VPS37A: variants seen among roughly 807,000 people sequenced by gnomAD.
VPS37A encodes the protein vacuolar protein sorting-associated protein 37A.
In VPS37A, 30 loss-of-function variants were observed where a neutral mutation model predicts 49.8. That is an observed-to-expected ratio of 0.60 (90% confidence interval 0.45 to 0.82). The LOEUF (loss-of-function observed/expected upper bound fraction) is 0.82, where lower values mean the gene tolerates loss of function less well. Among genes scored for constraint, VPS37A ranks in the 40% least tolerant of loss-of-function variants. The pLI, the probability that VPS37A is intolerant of heterozygous loss-of-function variation, is 0.00. For synonymous variants in VPS37A, 195 were observed against 160.6 expected, an observed-to-expected ratio of 1.21 and a Z score of -1.62; for missense variants, 593 against 464.4, an observed-to-expected ratio of 1.28 and a Z score of -2.55.
At chr8:17,259,318 A>T (rs1298968399) in intron 1 of VPS37A, among the ~76,000 whole-genome samples, 1 of 151,884 alleles carries the variant, frequency 6.6e-6, no homozygotes, top group African/African-American at 2.4e-5. Flanking sequence ...TTACTTTTTA[A>T]TTTCTTTGTC....
chr8:17,247,950 T>C (rs1271503862), intron 1 of VPS37A: 5 of 592,712 alleles, frequency 8.4e-6, no homozygotes, highest in Non-Finnish European at 1.5e-5. Context: ...CATGTACATT[T>C]CTCACTTCTT....
At chr8:17,271,619 C>G (rs1814001773) in intron 4 of VPS37A, among the ~76,000 whole-genome samples, 2 of 151,976 alleles carry the variant, frequency 1.3e-5, no homozygotes, top group African/African-American at 4.8e-5. Context: ...AAAAAAAATG[C>G]TTATGATTTC....
the VPS37A span, chr8:17,309,188 A>C: frequency 6.7e-6 from 6 of 897,478 alleles, no homozygotes; most frequent in Non-Finnish European, 1.1e-5. Flanking sequence ...CTCAAAAAAC[A>C]AGACGATTTT....
intron 3 of VPS37A, 129 bp downstream of exon 3, chr8:17,268,501 A>T (rs1042180799): frequency 4.4e-6 from 3 of 674,754 alleles, no homozygotes; most frequent in Non-Finnish European, 7.2e-6. Flanking sequence ...AAAATTGAAT[A>T]TTTAAGACTA....
chr8:17,306,609 G>A (rs1241145732), downstream of VPS37A, among the ~76,000 whole-genome samples: 1 of 152,084 alleles, frequency 6.6e-6, no homozygotes, highest in Admixed American at 6.6e-5. Flanking sequence ...ACTACTGTGT[G>A]AGTTTTACAG....
the VPS37A span, among the ~76,000 whole-genome samples, chr8:17,307,916 T>C: frequency 2.0e-5 from 3 of 151,742 alleles, no homozygotes; most frequent in Admixed American, 1.3e-4. Context: ...AGGGATAGCA[T>C]TAGGAGATAT....
At chr8:17,255,354 G>A (rs552433439) in intron 1 of VPS37A, among the ~76,000 whole-genome samples, 8 of 152,144 alleles carry the variant, frequency 5.3e-5, no homozygotes, top group Admixed American at 2.0e-4. Context: ...GGTAGCAGGC[G>A]CCTGTAATCC....
At chr8:17,302,140 C>T (rs1402343267), downstream of VPS37A, 1 of 1,613,946 alleles carries the variant, frequency 6.2e-7, no homozygotes, top group East Asian at 2.2e-5. Context: ...ATTAACAAAG[C>T]AAGTATGTCT....
downstream of VPS37A, chr8:17,298,570 T>C (rs940338494): frequency 1.3e-5 from 2 of 152,560 alleles, no homozygotes; most frequent in Admixed American, 6.5e-5. Context: ...ATTCAAAATA[T>C]TGATGTAAAT....
chr8:17,276,376 T>C (rs1814512099), intron 5 of VPS37A, 21 bp from the exon 6 acceptor site: 1 of 1,598,376 alleles, frequency 6.3e-7, no homozygotes, highest in African/African-American at 1.3e-5. Context: ...AAATTTAATA[T>C]CATTTAAAAC....
chr8:17,274,596 A>C, intron 4 of VPS37A, 137 bp from the exon 5 acceptor site: 2 of 578,982 alleles, frequency 3.5e-6, no homozygotes, highest in South Asian at 3.3e-5. Context: ...CCATTATATA[A>C]TTTAATAAAT....
chr8:17,268,268 C>A lies in VPS37A; in HGVS notation c.211C>A (p.Pro71Thr). The A allele has an allele frequency of 6.2e-7, 1 of 1,611,992 alleles. No individual in the cohort carries two copies. Among genetic ancestry groups the A allele is most frequent in the Non-Finnish European group, 8.5e-7 (1 of 1,179,336 alleles). Residue 71 changes from proline to threonine, a missense_variant, in exon 3 of 12, where the codon CCA becomes ACA. Coordinates refer to ENST00000324849, the MANE Select transcript of VPS37A (RefSeq NM_152415.3). ...TTCTACCTCTACCAGATTGCTTCCT[C>A]CACAGTTTCCTCAGGAAAAACCAGT... ...LTININILLP[P>T]QFPQEKPVIS...
intron 11 of VPS37A, among the ~76,000 whole-genome samples, chr8:17,289,099 A>G (rs1364212715): frequency 2.0e-5 from 3 of 152,040 alleles, no homozygotes; most frequent in Non-Finnish European, 4.4e-5. Flanking sequence ...TAGATTCTGG[A>G]TATTAGCCCT....
At chr8:17,305,145 T>C (rs1267303768), downstream of VPS37A, among the ~76,000 whole-genome samples, 2 of 151,908 alleles carry the variant, frequency 1.3e-5, no homozygotes, top group Non-Finnish European at 2.9e-5. Context: ...ATTAATTTTC[T>C]TTATGAGTCC....
chr8:17,320,423 G>T, the VPS37A span, among the ~76,000 whole-genome samples: 1 of 152,048 alleles, frequency 6.6e-6, no homozygotes. Context: ...TTGTAAGGTG[G>T]CAACAAGGCA....
At chr8:17,322,964 T>C in the VPS37A span, among the ~76,000 whole-genome samples, 1 of 150,546 alleles carries the variant, frequency 6.6e-6, no homozygotes, top group Non-Finnish European at 1.5e-5. Flanking sequence ...TTTTTTTTTT[T>C]TTTGAGACAG....
At chr8:17,299,573 C>T (rs1816961591), downstream of VPS37A, 1 of 359,724 alleles carries the variant, frequency 2.8e-6, no homozygotes, top group Non-Finnish European at 5.1e-6. Context: ...ATACTGATCA[C>T]TTCAGGTAAT....
downstream of VPS37A, among the ~76,000 whole-genome samples, chr8:17,300,716 T>G (rs574114933): frequency 6.6e-6 from 1 of 152,360 alleles, no homozygotes; most frequent in South Asian, 2.1e-4. Flanking sequence ...TATAAAACAC[T>G]GTCATCACCT....
rs1029900547 is a variant in VPS37A at position 17,296,988 on chromosome 8, A to G, written c.*2002A>G. 6.6e-6 allele frequency: 1 copy of G among 152,202 alleles called. No homozygotes were observed. The highest frequency in any genetic ancestry group is 1.5e-5 in the Non-Finnish European group (1 of 68,028). 9.4% of individuals were successfully genotyped at this position (152,202 alleles called of 1,614,324 possible). On this transcript the variant is annotated 3_prime_UTR_variant, in exon 12 of 12. Transcript: ENST00000324849. ...CCACGATGAAAAGAATCTGCATTTGAATATGCCCGTATGAATGTGGGTTCT... is the reference window on the plus strand; with the variant it reads ...CCACGATGAAAAGAATCTGCATTTGGATATGCCCGTATGAATGTGGGTTCT...
Sources: gnomAD v4.1 joint callset for allele counts (sites outside exome capture counted in the v4.1 genomes callset) on GRCh38, gnomAD v4.1.1 for gene constraint, MANE v1.5 for transcripts, NCBI Gene and HGNC (gene_info 2026-07-23, HGNC 2026-07-21) for gene names.